Variants in CASD1 observed in about 807,000 individuals in gnomAD.
CASD1 encodes the protein N-acetylneuraminate (7)9-O-acetyltransferase.
Under a neutral mutation model 100.0 loss-of-function variants are expected in CASD1, and 41 were observed. That is an observed-to-expected ratio of 0.41 (90% CI 0.32 to 0.53). The LOEUF is 0.53. CASD1 is among the 20% of genes least tolerant of loss of function. The probability of loss-of-function intolerance (pLI) is 0.25; values close to 1 mark genes in which losing one functional copy is unlikely to be tolerated. For missense variants in CASD1, 774 were observed against 948.7 expected (o/e 0.82, Z 2.42); for synonymous variants, 321 against 315.6 (o/e 1.02, Z -0.18).
chr7:94,517,523 C>T, intron 1 of CASD1, 37 bp from the exon 2 acceptor site: 2 of 1,312,992 alleles, frequency 1.5e-6, no homozygotes, highest in Non-Finnish European at 2.1e-6. Flanking sequence ...AAAATTTTAA[C>T]TATTGTTTAC....
chr7:94,597,213 C>T, the CASD1 span: 2 of 152,080 alleles, frequency 1.3e-5, no homozygotes, highest in African/African-American at 4.8e-5. Flanking sequence ...TAAACATATG[C>T]AATTTCACCC....
chr7:94,541,519 G>A (rs1342786316), intron 10 of CASD1, among the ~76,000 whole-genome samples: 1 of 137,712 alleles, frequency 7.3e-6, no homozygotes, highest in Non-Finnish European at 1.6e-5. Flanking sequence ...TATACAGTAG[G>A]TGATTTGTGT....
At chr7:94,612,150 C>G in the CASD1 span, among the ~76,000 whole-genome samples, 2 of 152,118 alleles carry the variant, frequency 1.3e-5, no homozygotes, top group African/African-American at 2.4e-5. Flanking sequence ...TAATGGCCCT[C>G]TTGCTTAGAC....
intron 3 of CASD1, 107 bp from the exon 4 acceptor site, chr7:94,527,055 T>A: frequency 1.2e-6 from 1 of 848,918 alleles, no homozygotes. Context: ...TGCATAAAAA[T>A]ATATCAACAA....
At chr7:94,579,120 T>C in the CASD1 span, among the ~76,000 whole-genome samples, 2 of 151,506 alleles carry the variant, frequency 1.3e-5, no homozygotes, top group Non-Finnish European at 2.9e-5. Flanking sequence ...CACCAGTGCA[T>C]AGTTCAATGC....
chr7:94,527,665 T>G (rs1034957103), intron 4 of CASD1, among the ~76,000 whole-genome samples: 1 of 152,214 alleles, frequency 6.6e-6, no homozygotes, highest in African/African-American at 2.4e-5. Context: ...AACTGAGGCT[T>G]CAAAAATAAG....
At chr7:94,580,196 A>G in the CASD1 span, among the ~76,000 whole-genome samples, 1 of 152,216 alleles carries the variant, frequency 6.6e-6, no homozygotes, top group Non-Finnish European at 1.5e-5. Flanking sequence ...GTATGTATAA[A>G]AAGGTCAAAT....
intron 3 of CASD1, among the ~76,000 whole-genome samples, chr7:94,525,280 A>G (rs1019436266): frequency 6.6e-6 from 1 of 152,236 alleles, no homozygotes; most frequent in Non-Finnish European, 1.5e-5. Context: ...AACATTAAAC[A>G]ATATATCATT....
At position 94,509,838 on chromosome 7, in the gene CASD1, C is replaced by G. The variant is rs543595968; in HGVS notation, c.-247C>G. ...CAGGCGTCCAGGGCGCCTGGGGAACCGGCACGGCGGAGCAGCGGCGGCGGG... is the reference window on the plus strand; with the variant it reads ...CAGGCGTCCAGGGCGCCTGGGGAACGGGCACGGCGGAGCAGCGGCGGCGGG... On this transcript the variant is annotated 5_prime_UTR_variant, in exon 1 of 18. Transcript: ENST00000297273. 673 of 999,228 alleles carry G rather than the reference C, an allele frequency of 6.7e-4. 1 individual carries two copies. The highest frequency in any genetic ancestry group is 7.7e-4 in the Non-Finnish European group (645 of 841,096). The allele number at this position is 999,228 out of a possible 1,614,324, so 61.9% of individuals were successfully genotyped here.
the CASD1 span, chr7:94,624,275 T>C: frequency 2.5e-6 from 1 of 397,908 alleles, no homozygotes; most frequent in African/African-American, 2.1e-5. Context: ...AGGATAAAAC[T>C]GACTTCAACT....
the CASD1 span, among the ~76,000 whole-genome samples, chr7:94,571,132 C>T: frequency 5.9e-5 from 9 of 151,890 alleles, no homozygotes; most frequent in Admixed American, 2.0e-4. Context: ...CAGTCTTGAC[C>T]TCCCAGGCTT....
chr7:94,591,187 AT>A, the CASD1 span, among the ~76,000 whole-genome samples: 1 of 152,200 alleles, frequency 6.6e-6, no homozygotes, highest in Non-Finnish European at 1.5e-5. Flanking sequence ...AAAAAGATCA[AT>A]TTATAAACTA....
At chr7:94,610,962 T>G in the CASD1 span, among the ~76,000 whole-genome samples, 8 of 152,172 alleles carry the variant, frequency 5.3e-5, no homozygotes, top group Non-Finnish European at 7.4e-5. Flanking sequence ...CACTTCACTT[T>G]CACTAGGATG....
chr7:94,538,877 C>A, intron 9 of CASD1, 90 bp from the exon 10 acceptor site: 1 of 580,348 alleles, frequency 1.7e-6, no homozygotes, highest in Non-Finnish European at 2.9e-6. Flanking sequence ...GCTTTATGTC[C>A]TATAAGAAAA....
Position 94,535,395 on chromosome 7 carries a change from A to G in CASD1, c.715A>G (p.Ile239Val). The change falls in exon 8 of 18, where the codon ATT (isoleucine) becomes GTT (valine). Residue 239 changes from isoleucine to valine, a missense_variant. Transcript: ENST00000297273. The stretch of plus-strand genomic sequence containing the variant: ...TGCTTACAATGAAGCTGCAGTCAGT[A>G]TTTTGAATAGTAGCACCAGAAATTC... ...IDAYNEAAVS[I>V]LNSSTRNSKS... The G allele has an allele frequency of 3.7e-6, 6 of 1,613,520 alleles. No individual in the cohort carries two copies. The highest frequency in any genetic ancestry group is 5.1e-6 in the Non-Finnish European group (6 of 1,179,620).
At chr7:94,532,649 T>TG (rs1423579190) in intron 5 of CASD1, among the ~76,000 whole-genome samples, 2 of 152,148 alleles carry the variant, frequency 1.3e-5, no homozygotes, top group African/African-American at 4.8e-5. Flanking sequence ...CCATATATAA[T>TG]GGGGGGAAAT....
chr7:94,619,185 A>G, the CASD1 span: 2 of 473,542 alleles, frequency 4.2e-6, no homozygotes, highest in South Asian at 5.4e-5. Context: ...GGCTCATCAG[A>G]GGCTCATCAG....
At chr7:94,617,843 C>G in the CASD1 span, 3 of 152,108 alleles carry the variant, frequency 2.0e-5, no homozygotes, top group Admixed American at 2.0e-4. Context: ...TAAAGCTATC[C>G]TTAAATTTAA....
the CASD1 span, among the ~76,000 whole-genome samples, chr7:94,580,425 T>C: frequency 6.6e-6 from 1 of 152,202 alleles, no homozygotes; most frequent in African/African-American, 2.4e-5. Context: ...CTCTTCTATC[T>C]GCCTCAAATA....
Sources: allele counts gnomAD v4.1 joint callset (sites outside exome capture counted in the v4.1 genomes callset), GRCh38; gene constraint gnomAD v4.1.1; transcripts MANE v1.5; gene names NCBI Gene and HGNC (gene_info 2026-07-23, HGNC 2026-07-21).